LRP5: variants seen among roughly 807,000 people sequenced by gnomAD.
LRP5 encodes low-density lipoprotein receptor-related protein 5.
LRP5 carries 62 observed loss-of-function variants against 154.1 expected under a neutral mutation model. That is an observed-to-expected ratio of 0.40 (90% confidence interval 0.33 to 0.50). The LOEUF (loss-of-function observed/expected upper bound fraction) is 0.50, where lower values mean the gene tolerates loss of function less well. LRP5 is among the 20% of genes least tolerant of loss of function. The pLI, the probability that LRP5 is intolerant of heterozygous loss-of-function variation, is 0.55. For synonymous variants in LRP5, 966 were observed against 1,011.5 expected, an observed-to-expected ratio of 0.96 and a Z score of 0.85; for missense variants, 1,915 against 2,336.7, an observed-to-expected ratio of 0.82 and a Z score of 3.72.
intron 20 of LRP5, 99 bp downstream of exon 20, chr11:68,438,781 G>GCAATGTCTGC: frequency 2.0e-6 from 2 of 994,890 alleles, no homozygotes; most frequent in Non-Finnish European, 3.0e-6. Flanking sequence ...AGGCCCTCTT[G>GCAATGTCTGC]CACATGTGGC....
At chr11:68,377,538 C>T (rs1218405656) in intron 5 of LRP5, among the ~76,000 whole-genome samples, 5 of 152,170 alleles carry the variant, frequency 3.3e-5, no homozygotes, top group Admixed American at 6.5e-5. Context: ...TCAAATGCTG[C>T]GGTTGCGGCA....
chr11:68,410,165 T>A lies in LRP5; in HGVS notation c.2318+25T>A, dbSNP rs140394942. On this transcript the variant is annotated intron_variant, in intron 10 of 22. Transcript: ENST00000294304. ...GGTAAGTGTTTGCCTGTCCCGTGCG[T>A]CCTTGTGTTCACCTCGTATGAGACA... 1,148 of 1,592,432 alleles carry A rather than the reference T, an allele frequency of 7.2e-4. 8 individuals carry two copies. The African/African-American group carries it at 0.013, about 19-fold the overall frequency.
Position 68,312,800 on chromosome 11 carries a change from C to G in LRP5, c.86C>G (p.Ala29Gly). Residue 29 changes from alanine (A) to glycine (G), a missense_variant, in exon 1 of 23, where the codon GCC becomes GGC. Physicochemically the swap from Ala to Gly is moderately conservative, Grantham distance 60. Around this residue, in one of 3 missense-constraint regions of LRP5, gnomAD observed 773 missense variants for 1,100.9 expected, o/e 0.70. Coordinates refer to ENST00000294304, the MANE Select transcript of LRP5 (RefSeq NM_002335.4). ...LLALCGCPAP[A>G]AASPLLLFAN... ...GCGCTGTGCGGCTGCCCGGCCCCCG[C>G]CGCGGGTAGGTGGGCGCAGGCCGGC... 9.3e-6 allele frequency: 10 copies of G among 1,076,508 alleles called. No homozygotes were observed. Among genetic ancestry groups the G allele is most frequent in the Non-Finnish European group, 1.1e-5 (10 of 885,220 alleles). 66.7% of individuals were successfully genotyped at this position (1,076,508 alleles called of 1,614,324 possible).
chr11:68,441,394 T>TA (rs1342438037), intron 21 of LRP5, among the ~76,000 whole-genome samples: 4 of 152,216 alleles, frequency 2.6e-5, no homozygotes, highest in African/African-American at 4.8e-5. Context: ...ATTGTCTTCT[T>TA]ATGGCACCTG....
chr11:68,374,730 C>T (rs527825023), intron 5 of LRP5, among the ~76,000 whole-genome samples: 96 of 152,274 alleles, frequency 6.3e-4, no homozygotes, highest in Non-Finnish European at 1.2e-3. Flanking sequence ...CTTGGATTAG[C>T]GTTGCCTGTT....
chr11:68,315,628 T>C (rs2098592728), intron 1 of LRP5, among the ~76,000 whole-genome samples: 1 of 152,258 alleles, frequency 6.6e-6, no homozygotes, highest in Non-Finnish European at 1.5e-5. Flanking sequence ...TGCTTTGGTG[T>C]CTGCTACCGA....
At chr11:68,339,168 C>T (rs368827154) in intron 1 of LRP5, among the ~76,000 whole-genome samples, 39 of 151,908 alleles carry the variant, frequency 2.6e-4, no homozygotes, top group African/African-American at 8.7e-4. Context: ...GACACCGCGT[C>T]GGGCCTTTTT....
chr11:68,398,876 G>A (rs547814887), intron 7 of LRP5, among the ~76,000 whole-genome samples: 44 of 152,084 alleles, frequency 2.9e-4, no homozygotes, highest in Admixed American at 1.9e-3. Flanking sequence ...CGGGGACTAC[G>A]GGTGTGTGCC....
At chr11:68,441,058 G>A (rs1206427390) in intron 21 of LRP5, among the ~76,000 whole-genome samples, 9 of 151,892 alleles carry the variant, frequency 5.9e-5, no homozygotes, top group East Asian at 5.8e-4. Flanking sequence ...GTGAGCCACC[G>A]CACCTGGCCT....
rs139535351 is a variant in LRP5 at position 68,373,717 on chromosome 11, A to G, written c.1015+8015A>G. On this transcript the variant is annotated intron_variant, in intron 5 of 22. Coordinates refer to ENST00000294304, the MANE Select transcript of LRP5 (RefSeq NM_002335.4). ...GCGGCAGCTGGCTTCGGTTTCTGCC[A>G]TGTTTTTCCAATTATGTGGAATGAG... Among the ~76,000 whole-genome samples the G allele has an allele frequency of 6.8e-3, 1,037 of 152,242 alleles. 8 individuals carry two copies. The highest frequency in any genetic ancestry group is 0.022 in the African/African-American group (924 of 41,534).
At chr11:68,301,073 A>G in the LRP5 span, among the ~76,000 whole-genome samples, 1 of 147,394 alleles carries the variant, frequency 6.8e-6, no homozygotes, top group Admixed American at 6.8e-5. Flanking sequence ...GGGATGACAG[A>G]CGTGCACCAC....
chr11:68,313,695 G>A (rs1215180706), intron 1 of LRP5, among the ~76,000 whole-genome samples: 1 of 152,256 alleles, frequency 6.6e-6, no homozygotes, highest in East Asian at 1.9e-4. Context: ...CTTCGGATGT[G>A]CGTGTTTTGT....
intron 21 of LRP5, chr11:68,445,676 A>G: frequency 7.6e-7 from 1 of 1,318,382 alleles, no homozygotes; most frequent in Non-Finnish European, 9.9e-7. Context: ...CGTCAGTGGC[A>G]CTTGTGGAAG....
chr11:68,333,146 A>T (rs1484500977), intron 1 of LRP5, among the ~76,000 whole-genome samples: 1 of 152,156 alleles, frequency 6.6e-6, no homozygotes, highest in Non-Finnish European at 1.5e-5. Flanking sequence ...CCCCAGTAGG[A>T]GAGACGCGTA....
the LRP5 span, among the ~76,000 whole-genome samples, chr11:68,301,559 G>A: frequency 3.4e-5 from 5 of 149,088 alleles, no homozygotes; most frequent in African/African-American, 1.2e-4. Flanking sequence ...GATCTCCTGA[G>A]AACATTCTGC....
At chr11:68,399,173 G>T (rs1481212326) in intron 7 of LRP5, among the ~76,000 whole-genome samples, 2 of 152,022 alleles carry the variant, frequency 1.3e-5, no homozygotes, top group Non-Finnish European at 2.9e-5. Flanking sequence ...TTGCATTCCA[G>T]CCTGGGTGAC....
At chr11:68,436,620 A>T (rs941193299) in intron 18 of LRP5, among the ~76,000 whole-genome samples, 2 of 151,708 alleles carry the variant, frequency 1.3e-5, no homozygotes, top group Admixed American at 6.6e-5. Context: ...AGACCTCCCC[A>T]CAGTAGGCAC....
chr11:68,421,870 T>C (rs1273155547), intron 13 of LRP5, among the ~76,000 whole-genome samples: 3 of 151,874 alleles, frequency 2.0e-5, no homozygotes, highest in African/African-American at 7.3e-5. Flanking sequence ...CCTTTCCATC[T>C]GGGTCCAAGA....
the LRP5 span, among the ~76,000 whole-genome samples, chr11:68,302,782 C>T: frequency 7.9e-5 from 12 of 152,238 alleles, no homozygotes; most frequent in South Asian, 8.3e-4. Context: ...AGCTGTCTGG[C>T]GGGCCGTGGC....
Sources: allele counts gnomAD v4.1 joint callset (sites outside exome capture counted in the v4.1 genomes callset), GRCh38; gene constraint gnomAD v4.1.1; regional missense constraint gnomAD v4.1.1; transcripts MANE v1.5; gene names NCBI Gene and HGNC (gene_info 2026-07-23, HGNC 2026-07-21).